RIN2: variants seen among roughly 807,000 people sequenced by gnomAD.
The protein encoded by RIN2 is Ras and Rab interactor 2, also known as RAB5 interacting protein 2.
Under a neutral mutation model 78.0 loss-of-function variants are expected in RIN2, and 36 were observed. The ratio of observed to expected loss-of-function variants is 0.46; its 90% CI spans 0.35 to 0.61. The LOEUF is 0.61. Ranked by LOEUF, RIN2 falls within the 20% of genes least tolerant of loss-of-function variation. RIN2 has a pLI of 0.00. For synonymous variants in RIN2, 466 were observed against 466.8 expected (o/e 1.00, Z 0.02); for missense variants, 1,087 against 1,159.7 (o/e 0.94, Z 0.91).
At chr20:19,873,226 G>A (rs1215777597) in intron 2 of RIN2, among the ~76,000 whole-genome samples, 1 of 152,056 alleles carries the variant, frequency 6.6e-6, no homozygotes, top group East Asian at 1.9e-4. Context: ...CTGGGCTCAG[G>A]TAATCCTCAT....
chr20:19,946,210 T>C (rs759239908), intron 4 of RIN2, among the ~76,000 whole-genome samples: 1 of 150,858 alleles, frequency 6.6e-6, no homozygotes, highest in African/African-American at 2.4e-5. Context: ...CTGACCAGAG[T>C]GGAATGGGGT....
intron 3 of RIN2, among the ~76,000 whole-genome samples, chr20:19,927,128 C>T (rs1022093041): frequency 6.6e-6 from 1 of 152,240 alleles, no homozygotes; most frequent in Non-Finnish European, 1.5e-5. Context: ...TCCCAGGTCT[C>T]TGCTGCTGGT....
chr20:19,875,660 C>G (rs984204086), intron 2 of RIN2, among the ~76,000 whole-genome samples: 1 of 152,092 alleles, frequency 6.6e-6, no homozygotes, highest in Non-Finnish European at 1.5e-5. Context: ...AAATGGGTTG[C>G]AAACAGGGAA....
At position 19,975,257 on chromosome 20, in the gene RIN2, C is replaced by G. The variant is rs1243130854; in HGVS notation, c.1232C>G (p.Ala411Gly). 6.3e-7 allele frequency: 1 copy of G among 1,582,778 alleles called. No individual in the cohort carries two copies. The highest frequency in any genetic ancestry group is 1.3e-5 in the African/African-American group (1 of 74,378). Residue 411 changes from alanine (A) to glycine (G), a missense_variant, in exon 9 of 13, where the codon GCC becomes GGC. Ala to Gly is a moderately conservative substitution (Grantham distance 60). Coordinates refer to ENST00000255006, the MANE Select transcript of RIN2 (RefSeq NM_018993.4). The surrounding 1 kb of genome is among the most constrained non-coding windows in gnomAD (Gnocchi z 4.9). ...PEAAPGDCTR[A>G]PPPSSESRPP... ...GCCGCCCCGGGGGATTGCACAAGGG[C>G]CCCGCCGCCCAGCTCTGAATCACGG...
chr20:19,811,761 C>T (rs2035609472), intron 2 of RIN2, among the ~76,000 whole-genome samples: 1 of 143,530 alleles, frequency 7.0e-6, no homozygotes, highest in South Asian at 2.3e-4. Flanking sequence ...GGGCCATCTC[C>T]TGTGCTAATA....
intron 8 of RIN2, among the ~76,000 whole-genome samples, chr20:19,971,735 A>AT (rs61019165): frequency 0.099 from 9,047 of 91,118 alleles, 1,110 homozygotes; most frequent in East Asian, 0.47. Flanking sequence ...TGAAACTGCA[A>AT]TTTTTTTTTT....
intron 7 of RIN2, among the ~76,000 whole-genome samples, chr20:19,968,891 C>T (rs1350155316): frequency 6.6e-6 from 1 of 152,108 alleles, no homozygotes; most frequent in African/African-American, 2.4e-5. Context: ...CAGGCAGCAG[C>T]TATTACAGAC....
intron 6 of RIN2, among the ~76,000 whole-genome samples, chr20:19,963,793 C>T (rs1036811225): frequency 6.7e-6 from 1 of 150,310 alleles, no homozygotes; most frequent in Admixed American, 6.6e-5. Context: ...TGAAGTCAGA[C>T]TACTTGCTGC....
At chr20:19,898,119 A>T (rs1163375639) in intron 3 of RIN2, among the ~76,000 whole-genome samples, 1 of 152,232 alleles carries the variant, frequency 6.6e-6, no homozygotes, top group Non-Finnish European at 1.5e-5. Context: ...GAATGCTATG[A>T]GCCTATCGAA....
At chr20:19,821,055 G>T (rs1046386090) in intron 2 of RIN2, among the ~76,000 whole-genome samples, 1 of 152,168 alleles carries the variant, frequency 6.6e-6, no homozygotes, top group Admixed American at 6.5e-5. Flanking sequence ...TGATACTGCT[G>T]ATCTAAACGA....
At chr20:19,896,805 T>C (rs1174264332) in intron 3 of RIN2, among the ~76,000 whole-genome samples, 2 of 152,180 alleles carry the variant, frequency 1.3e-5, no homozygotes, top group African/African-American at 2.4e-5. Flanking sequence ...AAGCCACAGA[T>C]GTAATTTTAA....
At chr20:19,988,920 C>T (rs996085586) in intron 9 of RIN2, among the ~76,000 whole-genome samples, 15 of 152,052 alleles carry the variant, frequency 9.9e-5, no homozygotes, top group South Asian at 2.1e-4. Flanking sequence ...CACACACACA[C>T]GCGTGCACAC....
At chr20:19,856,946 A>C (rs1346564980) in intron 2 of RIN2, among the ~76,000 whole-genome samples, 1 of 152,174 alleles carries the variant, frequency 6.6e-6, no homozygotes, top group African/African-American at 2.4e-5. Context: ...TATCTTAGCC[A>C]GTATCCCCCC....
At chr20:19,942,659 T>C (rs1259586281) in intron 4 of RIN2, among the ~76,000 whole-genome samples, 2 of 152,240 alleles carry the variant, frequency 1.3e-5, no homozygotes, top group Admixed American at 6.5e-5. Context: ...TCCATTTAAA[T>C]GGTAGATCAT....
chr20:19,946,270 A>G (rs1373589036), intron 4 of RIN2, among the ~76,000 whole-genome samples: 1 of 152,190 alleles, frequency 6.6e-6, no homozygotes, highest in African/African-American at 2.4e-5. Context: ...GATGGGCCAC[A>G]GATTACTTGC....
At chr20:19,955,678 T>C (rs751580199) in intron 4 of RIN2, among the ~76,000 whole-genome samples, 6 of 152,210 alleles carry the variant, frequency 3.9e-5, no homozygotes, top group Non-Finnish European at 7.3e-5. Context: ...ACATTTGGGT[T>C]GTTTCCGCTT....
At chr20:19,941,592 A>G (rs2040872498) in intron 4 of RIN2, among the ~76,000 whole-genome samples, 1 of 152,220 alleles carries the variant, frequency 6.6e-6, no homozygotes, top group African/African-American at 2.4e-5. Flanking sequence ...TTACTGCTAC[A>G]GGGCAGGCCG....
Position 19,928,116 on chromosome 20 carries a change from T to A in RIN2, c.58-6983T>A, listed in dbSNP as rs1240218604. On this transcript the variant is annotated intron_variant, in intron 3 of 12. Coordinates refer to ENST00000255006, the MANE Select transcript of RIN2 (RefSeq NM_018993.4). ...CAGGGTTTCACCATGTTGGCCAGGCTGGTTTCGAACTCCTGACTTCAGGTC... is the reference window on the plus strand; with the variant it reads ...CAGGGTTTCACCATGTTGGCCAGGCAGGTTTCGAACTCCTGACTTCAGGTC... 3.3e-5 allele frequency among the ~76,000 whole-genome samples: 5 copies of A among 152,352 alleles called. No individual in the cohort carries two copies. The South Asian group carries it at 1.0e-3, about 32-fold the overall frequency.
At position 19,996,306 on chromosome 20, in the gene RIN2, G is replaced by T. The variant is rs112325732; in HGVS notation, c.2201-373G>T. 3.8e-3 allele frequency among the ~76,000 whole-genome samples: 579 copies of T among 151,754 alleles called. 4 individuals carry two copies. The highest frequency in any genetic ancestry group is 0.01 in the Middle Eastern group (3 of 294). On this transcript the variant is annotated intron_variant, in intron 11 of 12. Transcript: ENST00000255006. ...TCCAGCCTGGGTGACAAAGCAAGAC[G>T]CCGTCTCAAAAACAAACAAACAAAA...
Sources: allele counts gnomAD v4.1 joint callset (sites outside exome capture counted in the v4.1 genomes callset), GRCh38; gene constraint gnomAD v4.1.1; non-coding constraint Gnocchi (gnomAD v3.1); transcripts MANE v1.5; gene names NCBI Gene and HGNC (gene_info 2026-07-23, HGNC 2026-07-21).